Variants in GULP1 observed in about 807,000 individuals in gnomAD.
GULP1 encodes the protein GULP PTB domain containing engulfment adaptor 1.
In GULP1, 19 loss-of-function variants were observed where a neutral mutation model predicts 40.9. The observed-to-expected ratio is 0.46, with a 90% CI of 0.32 to 0.68. The LOEUF is 0.68. Ranked by LOEUF, GULP1 falls within the 30% of genes least tolerant of loss-of-function variation. The pLI is 0.03. For synonymous variants in GULP1, 119 were observed against 117.6 expected (o/e 1.01, Z -0.08); for missense variants, 312 against 362.2 (o/e 0.86, Z 1.12).
intron 1 of GULP1, among the ~76,000 whole-genome samples, chr2:188,322,622 A>C (rs934905667): frequency 1.3e-5 from 2 of 151,968 alleles, no homozygotes; most frequent in African/African-American, 4.8e-5. Context: ...TACCTTTGTT[A>C]TTTCAGCTGT....
chr2:188,407,762 A>G (rs571173559), intron 2 of GULP1, among the ~76,000 whole-genome samples: 2 of 152,304 alleles, frequency 1.3e-5, no homozygotes, highest in Admixed American at 1.3e-4. Flanking sequence ...GAAAAATATT[A>G]ACAAAATGGC....
intron 1 of GULP1, among the ~76,000 whole-genome samples, chr2:188,382,932 C>A (rs1203114133): frequency 6.6e-6 from 1 of 152,086 alleles, no homozygotes; most frequent in East Asian, 1.9e-4. Context: ...TATTTGAGAT[C>A]TATCTAAGAA....
intron 7 of GULP1, among the ~76,000 whole-genome samples, chr2:188,567,731 A>G (rs1341893327): frequency 1.3e-5 from 2 of 152,202 alleles, no homozygotes; most frequent in Non-Finnish European, 2.9e-5. Context: ...TAACCTGCAC[A>G]TTCTGCACAT....
chr2:188,574,309 A>G (rs1699737207), intron 9 of GULP1, among the ~76,000 whole-genome samples: 1 of 152,156 alleles, frequency 6.6e-6, no homozygotes, highest in South Asian at 2.1e-4. Flanking sequence ...AGATGTGGCA[A>G]GCAACAGAAA....
intron 1 of GULP1, among the ~76,000 whole-genome samples, chr2:188,338,163 A>G (rs569401809): frequency 1.3e-5 from 2 of 152,234 alleles, no homozygotes; most frequent in South Asian, 4.1e-4. Flanking sequence ...TCCTCAATAT[A>G]TCATTGATAT....
intron 4 of GULP1, among the ~76,000 whole-genome samples, chr2:188,484,466 T>G (rs1352635409): frequency 6.6e-6 from 1 of 151,970 alleles, no homozygotes; most frequent in Non-Finnish European, 1.5e-5. Flanking sequence ...CAGAAATGAG[T>G]TAAAGAGGGG....
chr2:188,460,914 T>C (rs2059651300), intron 2 of GULP1, among the ~76,000 whole-genome samples: 1 of 152,244 alleles, frequency 6.6e-6, no homozygotes, highest in South Asian at 2.1e-4. Flanking sequence ...TATCCTTCAG[T>C]CTGTTTTTAT....
At chr2:188,462,518 G>A (rs781529889) in intron 2 of GULP1, among the ~76,000 whole-genome samples, 13 of 152,190 alleles carry the variant, frequency 8.5e-5, no homozygotes, top group South Asian at 8.3e-4. Flanking sequence ...ATAGTGGGGC[G>A]TTGAAGTCTC....
intron 7 of GULP1, among the ~76,000 whole-genome samples, chr2:188,545,644 A>G (rs188252199): frequency 6.6e-6 from 1 of 152,032 alleles, no homozygotes; most frequent in African/African-American, 2.4e-5. Context: ...AAGCCCATAG[A>G]GATGCAATGA....
At chr2:188,529,949 C>T (rs2153233615) in intron 6 of GULP1, among the ~76,000 whole-genome samples, 1 of 152,224 alleles carries the variant, frequency 6.6e-6, no homozygotes, top group African/African-American at 2.4e-5. Flanking sequence ...CACTTGAAAC[C>T]AGATGTTCAG....
intron 2 of GULP1, among the ~76,000 whole-genome samples, chr2:188,443,685 C>CTTTTTTTTT (rs768289502): frequency 6.8e-6 from 1 of 147,134 alleles, no homozygotes; most frequent in Admixed American, 6.7e-5. Flanking sequence ...AAATGAATTT[C>CTTTTTTTTT]TTTTCTTTTT....
At chr2:188,429,503 A>C (rs2056606201) in intron 2 of GULP1, among the ~76,000 whole-genome samples, 1 of 152,244 alleles carries the variant, frequency 6.6e-6, no homozygotes, top group Admixed American at 6.5e-5. Flanking sequence ...CTGTCTCAAA[A>C]AAAAAAGATT....
intron 2 of GULP1, among the ~76,000 whole-genome samples, chr2:188,411,276 A>C (rs1474967943): frequency 7.0e-6 from 1 of 143,474 alleles, no homozygotes; most frequent in Non-Finnish European, 1.5e-5. Flanking sequence ...GCAGGGGTCC[A>C]GTAAAAACCT....
At chr2:188,319,465 A>AG (rs1357840028) in intron 1 of GULP1, among the ~76,000 whole-genome samples, 2 of 152,150 alleles carry the variant, frequency 1.3e-5, no homozygotes, top group Admixed American at 1.3e-4. Context: ...GGGTTGGAGG[A>AG]GGTCAACATA....
intron 2 of GULP1, among the ~76,000 whole-genome samples, chr2:188,435,274 A>G (rs1241846086): frequency 1.3e-5 from 2 of 152,084 alleles, no homozygotes; most frequent in East Asian, 3.9e-4. Flanking sequence ...CTGAACACAA[A>G]CACAAACCTT....
chr2:188,442,544 T>TTTG (rs1205892636), intron 2 of GULP1, among the ~76,000 whole-genome samples: 1 of 152,228 alleles, frequency 6.6e-6, no homozygotes, highest in Non-Finnish European at 1.5e-5. Flanking sequence ...AAGTACTTTT[T>TTTG]TTGTTTGTTT....
At chr2:188,371,193 A>G (rs1169473627) in intron 1 of GULP1, among the ~76,000 whole-genome samples, 2 of 152,116 alleles carry the variant, frequency 1.3e-5, no homozygotes, top group Non-Finnish European at 2.9e-5. Context: ...CATACTGTTT[A>G]TGATTTTTTT....
At chr2:188,590,309 G>GTAAAATAATATTTTCTTCATCTAAA (rs1559413982) in intron 11 of GULP1, 1 of 151,990 alleles carries the variant, frequency 6.6e-6, no homozygotes, top group Non-Finnish European at 1.5e-5. Context: ...TTACTTGCAA[G>GTAAAATAATATTTTCTTCATCTAAA]GTCACTTTAA....
intron 1 of GULP1, among the ~76,000 whole-genome samples, chr2:188,311,940 A>G (rs1432651901): frequency 1.3e-5 from 2 of 149,864 alleles, no homozygotes; most frequent in East Asian, 3.9e-4. Context: ...ACTACTAAAC[A>G]TTTCTTAACT....
Sources: allele counts gnomAD v4.1 joint callset (sites outside exome capture counted in the v4.1 genomes callset), GRCh38; gene constraint gnomAD v4.1.1; transcripts MANE v1.5; gene names NCBI Gene and HGNC (gene_info 2026-07-23, HGNC 2026-07-21).